LEKR1: variants seen among roughly 807,000 people sequenced by gnomAD.
LEKR1 encodes the protein leucine, glutamate and lysine rich 1, also known as protein LEKR1.
In LEKR1, 59 loss-of-function variants were observed where a neutral mutation model predicts 72.4. That is an observed-to-expected ratio of 0.82 (90% CI 0.66 to 1.01). The LOEUF (loss-of-function observed/expected upper bound fraction) is 1.01, where lower values mean the gene tolerates loss of function less well. Ranked by LOEUF, LEKR1 falls within the 50% of genes least tolerant of loss-of-function variation. The pLI is 0.00. For missense variants in LEKR1, 728 were observed against 759.2 expected, an observed-to-expected ratio of 0.96 and a Z score of 0.48; for synonymous variants, 257 against 263.2, an observed-to-expected ratio of 0.98 and a Z score of 0.23.
intron 9 of LEKR1, among the ~76,000 whole-genome samples, chr3:157,006,458 G>T (rs1026658080): frequency 3.3e-5 from 5 of 152,200 alleles, no homozygotes; most frequent in Non-Finnish European, 7.3e-5. Context: ...TTCTTTAAAA[G>T]TTAAATATAT....
chr3:156,983,177 G>C (rs1296896335), intron 7 of LEKR1, among the ~76,000 whole-genome samples: 2 of 152,210 alleles, frequency 1.3e-5, no homozygotes, highest in Non-Finnish European at 2.9e-5. Flanking sequence ...AAATTTCTAG[G>C]AATTCCTGAA....
At chr3:156,889,766 A>G (rs1720471940) in intron 3 of LEKR1, among the ~76,000 whole-genome samples, 1 of 152,182 alleles carries the variant, frequency 6.6e-6, no homozygotes, top group Non-Finnish European at 1.5e-5. Context: ...CTCAATTCCT[A>G]TGAATCCCTC....
chr3:156,952,220 TG>T (rs1396093210), intron 6 of LEKR1, among the ~76,000 whole-genome samples: 1 of 151,486 alleles, frequency 6.6e-6, no homozygotes, highest in Admixed American at 6.6e-5. Context: ...GCTGATGGGA[TG>T]GCCCCAGGAG....
intron 2 of LEKR1, among the ~76,000 whole-genome samples, chr3:156,846,660 G>A (rs946273267): frequency 1.3e-5 from 2 of 151,812 alleles, no homozygotes; most frequent in Admixed American, 6.6e-5. Context: ...TTTGAGTAAG[G>A]GCATCTTACT....
intron 10 of LEKR1, among the ~76,000 whole-genome samples, chr3:157,021,859 G>A (rs960344260): frequency 6.6e-5 from 10 of 151,948 alleles, no homozygotes; most frequent in African/African-American, 2.2e-4. Context: ...TAAGAACTAT[G>A]TGACTATTAA....
At chr3:156,997,759 A>G (rs1427931330) in intron 9 of LEKR1, among the ~76,000 whole-genome samples, 2 of 152,232 alleles carry the variant, frequency 1.3e-5, no homozygotes, top group African/African-American at 4.8e-5. Context: ...AAAACGATGT[A>G]AAAAGCCAGA....
At position 157,045,576 on chromosome 3, in the gene LEKR1, C is replaced by G. The variant is rs1364246109; in HGVS notation, c.1905C>G (p.Asn635Lys). Residue 635 changes from asparagine to lysine, a missense_variant, in exon 13 of 13, where the codon AAC becomes AAG. Transcript: ENST00000356539. ...LNSEKGIQIP[N>K]LRGVSKPTTF... ...CTGAAAAAGGAATCCAAATTCCCAA[C>G]CTGCGCGGGGTGTCAAAACCCACCA... 1 of 1,614,142 alleles carries G rather than the reference C, an allele frequency of 6.2e-7. No homozygotes were observed. The highest frequency in any genetic ancestry group is 8.5e-7 in the Non-Finnish European group (1 of 1,180,026).
intron 7 of LEKR1, among the ~76,000 whole-genome samples, chr3:156,984,227 G>A (rs933996209): frequency 1.3e-5 from 2 of 152,168 alleles, no homozygotes; most frequent in Non-Finnish European, 2.9e-5. Context: ...AGAAATGAAA[G>A]TGTGGGCTGT....
intron 10 of LEKR1, among the ~76,000 whole-genome samples, chr3:157,012,777 AG>A (rs1732996293): frequency 6.6e-6 from 1 of 152,096 alleles, no homozygotes; most frequent in Non-Finnish European, 1.5e-5. Flanking sequence ...TTTATTTTGT[AG>A]TATAGGCCTT....
At chr3:156,983,117 A>G (rs1186142051) in intron 7 of LEKR1, among the ~76,000 whole-genome samples, 1 of 152,202 alleles carries the variant, frequency 6.6e-6, no homozygotes, top group Non-Finnish European at 1.5e-5. Flanking sequence ...AACTTCCAGG[A>G]TAAAGATAGA....
chr3:156,893,574 C>A (rs552554933), intron 3 of LEKR1, among the ~76,000 whole-genome samples: 1 of 152,154 alleles, frequency 6.6e-6, no homozygotes, highest in South Asian at 2.1e-4. Context: ...GTGAGTTCTT[C>A]TGATCTAATT....
chr3:156,900,107 G>T (rs1026395247), intron 3 of LEKR1, among the ~76,000 whole-genome samples: 2 of 151,988 alleles, frequency 1.3e-5, no homozygotes, highest in African/African-American at 4.8e-5. Flanking sequence ...ACAGACTGGT[G>T]GGGGGAACTA....
chr3:156,988,677 A>G (rs1013684378), intron 7 of LEKR1: 14 of 236,166 alleles, frequency 5.9e-5, no homozygotes, highest in Admixed American at 3.8e-4. Context: ...GCTTCAGGCA[A>G]AGTAAGCAAA....
chr3:157,029,556 A>G (rs1482855), intron 12 of LEKR1, among the ~76,000 whole-genome samples: 87,252 of 151,948 alleles, frequency 0.57, 27,130 homozygotes, highest in South Asian at 0.8. Context: ...CTTAGCAGTT[A>G]TAATCTCCAG....
intron 3 of LEKR1, among the ~76,000 whole-genome samples, chr3:156,884,255 T>G (rs895938938): frequency 6.6e-6 from 1 of 152,226 alleles, no homozygotes; most frequent in African/African-American, 2.4e-5. Context: ...GGTGGTGCAT[T>G]TAGTCCATTT....
At chr3:157,000,201 G>T (rs16826990) in intron 9 of LEKR1, among the ~76,000 whole-genome samples, 2,860 of 152,094 alleles carry the variant, frequency 0.019, 68 homozygotes, top group East Asian at 0.1. Context: ...CTGCTTTCTA[G>T]TGCCTTGGTA....
intron 9 of LEKR1, among the ~76,000 whole-genome samples, chr3:157,001,106 C>T (rs747159740): frequency 8.5e-5 from 13 of 152,158 alleles, no homozygotes; most frequent in Non-Finnish European, 1.6e-4. Context: ...CTCTTTCCTT[C>T]GTAAATTACC....
chr3:156,860,678 C>T (rs1716663082), intron 3 of LEKR1, among the ~76,000 whole-genome samples: 1 of 152,144 alleles, frequency 6.6e-6, no homozygotes, highest in South Asian at 2.1e-4. Flanking sequence ...ATTTTCCTTC[C>T]TTGCTAAACC....
chr3:156,907,913 T>A (rs1202726158), intron 3 of LEKR1, among the ~76,000 whole-genome samples: 1 of 152,118 alleles, frequency 6.6e-6, no homozygotes, highest in East Asian at 1.9e-4. Context: ...TTATTAGACT[T>A]CTTTGACCTG....
Sources: gnomAD v4.1 joint callset for allele counts (sites outside exome capture counted in the v4.1 genomes callset) on GRCh38, gnomAD v4.1.1 for gene constraint, MANE v1.5 for transcripts, NCBI Gene and HGNC (gene_info 2026-07-23, HGNC 2026-07-21) for gene names.